Variants in DPP10 observed in about 807,000 individuals in gnomAD.
DPP10 encodes the protein dipeptidyl peptidase like 10, also known as inactive dipeptidyl peptidase 10.
In DPP10, 33 loss-of-function variants were observed where a neutral mutation model predicts 120.9. That is an observed-to-expected ratio of 0.27 (90% CI 0.21 to 0.37). DPP10 has a LOEUF of 0.37. Ranked by LOEUF, DPP10 falls within the 10% of genes least tolerant of loss-of-function variation. DPP10 has a pLI of 1.00. For missense variants in DPP10, 816 were observed against 942.8 expected, an observed-to-expected ratio of 0.87 and a Z score of 1.76; for synonymous variants, 337 against 326.1, an observed-to-expected ratio of 1.03 and a Z score of -0.36.
intron 3 of DPP10, among the ~76,000 whole-genome samples, chr2:115,493,351 A>C (rs2148754455): frequency 6.6e-6 from 1 of 152,152 alleles, no homozygotes; most frequent in Admixed American, 6.6e-5. Context: ...CAAAACTATA[A>C]AAAGTTTAAT....
chr2:115,589,666 A>T (rs1284062157), intron 5 of DPP10, among the ~76,000 whole-genome samples: 1 of 152,254 alleles, frequency 6.6e-6, no homozygotes, highest in Non-Finnish European at 1.5e-5. Flanking sequence ...TAACAGGTTG[A>T]CATTCCATGT....
intron 3 of DPP10, among the ~76,000 whole-genome samples, chr2:115,458,494 C>T (rs2073759482): frequency 6.6e-6 from 1 of 151,994 alleles, no homozygotes. Flanking sequence ...AAACCTTCAA[C>T]TGCTTTCTGT....
At chr2:114,585,445 T>A (rs1690880001) in intron 1 of DPP10, among the ~76,000 whole-genome samples, 1 of 152,224 alleles carries the variant, frequency 6.6e-6, no homozygotes, top group Non-Finnish European at 1.5e-5. Flanking sequence ...AGTCTCTCAT[T>A]TTTAAGGTCA....
chr2:115,607,127 A>G (rs1291142772), intron 5 of DPP10, among the ~76,000 whole-genome samples: 1 of 152,200 alleles, frequency 6.6e-6, no homozygotes, highest in African/African-American at 2.4e-5. Flanking sequence ...GTCAGCCTGC[A>G]TGAAGTGCCC....
intron 1 of DPP10, among the ~76,000 whole-genome samples, chr2:115,276,829 C>G (rs1379399477): frequency 6.6e-6 from 1 of 152,184 alleles, no homozygotes; most frequent in African/African-American, 2.4e-5. Flanking sequence ...ATTCACTGCT[C>G]TCTACTCCAA....
chr2:115,839,627 T>C lies in DPP10; in HGVS notation c.2183-1123T>C, dbSNP rs1369426001. Reference sequence around the variant, plus strand: ...AGGCAGAGGTTGCAGTGAGCCGAGATCGTACCACTGCACTCCAGCCTGGGC... The same window carrying C: ...AGGCAGAGGTTGCAGTGAGCCGAGACCGTACCACTGCACTCCAGCCTGGGC... On this transcript the variant is annotated intron_variant, in intron 24 of 25. Transcript: ENST00000410059. Among the ~76,000 whole-genome samples, 4 of 140,810 alleles carry C rather than the reference T, an allele frequency of 2.8e-5. No homozygotes were observed. In the East Asian group the frequency reaches 6.3e-4, roughly 22 times the overall value. The allele number at this position is 140,810 out of a possible 152,430, so 92.4% of individuals were successfully genotyped here. A position where few individuals can be genotyped will look rare whatever the true frequency, so the allele number is the denominator to read the frequency against.
chr2:115,766,951 A>G (rs1434928139), intron 12 of DPP10, among the ~76,000 whole-genome samples: 1 of 152,188 alleles, frequency 6.6e-6, no homozygotes, highest in African/African-American at 2.4e-5. Flanking sequence ...CCCCAGCTCC[A>G]ACACTGGGGA....
intron 3 of DPP10, among the ~76,000 whole-genome samples, chr2:115,372,433 ATC>A (rs1485911564): frequency 1.3e-5 from 2 of 152,128 alleles, no homozygotes; most frequent in Non-Finnish European, 2.9e-5. Context: ...GTTTCATAGA[ATC>A]TATTTGATTT....
chr2:115,064,781 G>C, intron 1 of DPP10: 2 of 1,304,232 alleles, frequency 1.5e-6, no homozygotes, highest in Non-Finnish European at 2.0e-6. Context: ...AGGTGGCTGA[G>C]GGACCAGTAG....
intron 1 of DPP10, among the ~76,000 whole-genome samples, chr2:115,027,697 C>G (rs10168678): frequency 0.023 from 3,439 of 152,096 alleles, 128 homozygotes; most frequent in African/African-American, 0.079. Context: ...AAGACTTTGA[C>G]TAGAATTGGT....
At chr2:114,864,289 A>G (rs533765203) in intron 1 of DPP10, among the ~76,000 whole-genome samples, 5 of 152,296 alleles carry the variant, frequency 3.3e-5, no homozygotes, top group Admixed American at 2.0e-4. Flanking sequence ...ACAACTCTTG[A>G]GTGCTTATCC....
intron 1 of DPP10, among the ~76,000 whole-genome samples, chr2:115,204,666 A>G (rs754891687): frequency 3.9e-5 from 6 of 152,112 alleles, no homozygotes; most frequent in African/African-American, 1.2e-4. Context: ...CAAACTCACT[A>G]AACAGGTCAT....
chr2:115,347,331 G>A (rs2063757514), intron 3 of DPP10, among the ~76,000 whole-genome samples: 1 of 152,054 alleles, frequency 6.6e-6, no homozygotes, highest in Admixed American at 6.6e-5. Flanking sequence ...CCAGATATAA[G>A]GCAGAACTCC....
intron 3 of DPP10, among the ~76,000 whole-genome samples, chr2:115,420,656 G>A (rs1181095921): frequency 1.3e-5 from 2 of 152,144 alleles, no homozygotes; most frequent in East Asian, 1.9e-4. Context: ...GACTGGTAAT[G>A]ATGGAGATCT....
At chr2:114,780,172 G>A (rs6710768) in intron 1 of DPP10, among the ~76,000 whole-genome samples, 1,528 of 151,980 alleles carry the variant, frequency 0.01, 30 homozygotes, top group African/African-American at 0.035. Context: ...AGGAAAAGAG[G>A]GATGATTGAT....
chr2:114,619,395 G>A (rs1693916253), intron 1 of DPP10, among the ~76,000 whole-genome samples: 2 of 151,788 alleles, frequency 1.3e-5, no homozygotes, highest in East Asian at 1.9e-4. Flanking sequence ...GTGTGTGTGT[G>A]TGTGTGTGTG....
intron 19 of DPP10, among the ~76,000 whole-genome samples, chr2:115,804,728 G>A (rs981147779): frequency 6.6e-6 from 1 of 152,174 alleles, no homozygotes; most frequent in African/African-American, 2.4e-5. Flanking sequence ...TATCAGCAGT[G>A]GTGGCTGCAG....
At chr2:115,653,984 A>G (rs1367435670) in intron 5 of DPP10, among the ~76,000 whole-genome samples, 2 of 152,048 alleles carry the variant, frequency 1.3e-5, no homozygotes, top group African/African-American at 4.8e-5. Context: ...CAAATACCAA[A>G]CTGACTTTCC....
In DPP10 at chr2:114,556,248, T is replaced by TATATATATAC. The variant is rs1553461348; in HGVS notation, c.60+113419_60+113420insCATATATATA. On this transcript the variant is annotated intron_variant, in intron 1 of 25. Coordinates refer to ENST00000410059, the MANE Select transcript of DPP10 (RefSeq NM_020868.6). ...CATAGATGATACATATATATATATA[T>TATATATATAC]ATATATATATATATATATATAGGCA... Among the ~76,000 whole-genome samples the TATATATATAC allele has an allele frequency of 4.0e-5, 5 of 124,734 alleles. No homozygotes were observed. In the East Asian group the frequency reaches 1.8e-3, roughly 45 times the overall value. The allele number at this position is 124,734 out of a possible 152,430, so 81.8% of individuals were successfully genotyped here.
Sources: gnomAD v4.1 joint callset for allele counts (sites outside exome capture counted in the v4.1 genomes callset) on GRCh38, gnomAD v4.1.1 for gene constraint, MANE v1.5 for transcripts, NCBI Gene and HGNC (gene_info 2026-07-23, HGNC 2026-07-21) for gene names.